The following LRRC4C variants were observed in gnomAD, a reference collection of about 807,000 sequenced individuals.
The protein encoded by LRRC4C is leucine rich repeat containing 4C.
LRRC4C carries 5 observed loss-of-function variants against 33.6 expected under a neutral mutation model. The observed-to-expected ratio is 0.15, with a 90% CI of 0.08 to 0.31. The LOEUF (loss-of-function observed/expected upper bound fraction) is 0.31, where lower values mean the gene tolerates loss of function less well. Among genes scored for constraint, LRRC4C ranks in the 10% least tolerant of loss-of-function variants. The probability of loss-of-function intolerance (pLI) is 1.00; values close to 1 mark genes in which losing one functional copy is unlikely to be tolerated. For synonymous variants in LRRC4C, 329 were observed against 302.0 expected (o/e 1.09, Z -0.93); for missense variants, 560 against 796.7 (o/e 0.70, Z 3.58).
At chr11:41,164,294 C>A (rs1471462992) in intron 1 of LRRC4C, among the ~76,000 whole-genome samples, 1 of 151,446 alleles carries the variant, frequency 6.6e-6, no homozygotes, top group East Asian at 1.9e-4. Flanking sequence ...TCACAGTCTT[C>A]CACTTCCACA....
chr11:40,699,674 C>T (rs1199187341), intron 2 of LRRC4C, among the ~76,000 whole-genome samples: 2 of 152,094 alleles, frequency 1.3e-5, no homozygotes, highest in Admixed American at 1.3e-4. Context: ...GTGCTGGTGA[C>T]ACAACAAAGA....
chr11:41,153,169 T>A (rs533194768), intron 1 of LRRC4C, among the ~76,000 whole-genome samples: 7 of 152,080 alleles, frequency 4.6e-5, no homozygotes, highest in Non-Finnish European at 1.0e-4. Context: ...AAGTCTCTAC[T>A]CCCTTAAAGA....
intron 3 of LRRC4C, among the ~76,000 whole-genome samples, chr11:40,625,050 A>G (rs551805965): frequency 2.6e-5 from 4 of 152,280 alleles, no homozygotes; most frequent in Non-Finnish European, 1.5e-5. Flanking sequence ...TAATATTCAG[A>G]ATAATACTGT....
At chr11:41,339,542 T>C (rs1301153674) in intron 1 of LRRC4C, among the ~76,000 whole-genome samples, 3 of 152,132 alleles carry the variant, frequency 2.0e-5, no homozygotes, top group African/African-American at 7.2e-5. Flanking sequence ...AACATCCCTC[T>C]CCTGTCTAAT....
intron 2 of LRRC4C, among the ~76,000 whole-genome samples, chr11:40,658,540 G>A (rs1943250798): frequency 6.6e-6 from 1 of 152,132 alleles, no homozygotes; most frequent in African/African-American, 2.4e-5. Flanking sequence ...GGAGTTTTGG[G>A]CTAGAGTTTT....
chr11:40,837,511 G>T (rs1478189646), intron 2 of LRRC4C, among the ~76,000 whole-genome samples: 1 of 151,758 alleles, frequency 6.6e-6, no homozygotes, highest in Non-Finnish European at 1.5e-5. Context: ...CCGGCATATT[G>T]TGAAGATTAT....
intron 3 of LRRC4C, among the ~76,000 whole-genome samples, chr11:40,321,047 C>A (rs1945820523): frequency 6.6e-6 from 1 of 152,148 alleles, no homozygotes; most frequent in Non-Finnish European, 1.5e-5. Context: ...ATTAATAACT[C>A]TTTGGAGTCT....
intron 1 of LRRC4C, among the ~76,000 whole-genome samples, chr11:41,351,782 G>A (rs1217655046): frequency 2.0e-5 from 3 of 152,066 alleles, no homozygotes; most frequent in Non-Finnish European, 2.9e-5. Flanking sequence ...TCCAAACTAA[G>A]CTTGATAAGC....
At chr11:41,372,736 A>G (rs1189314797) in intron 1 of LRRC4C, among the ~76,000 whole-genome samples, 1 of 151,742 alleles carries the variant, frequency 6.6e-6, no homozygotes, top group Admixed American at 6.6e-5. Flanking sequence ...GAGAGGTAAT[A>G]AAAAAGAATG....
intron 1 of LRRC4C, among the ~76,000 whole-genome samples, chr11:41,021,197 GAGAGAGA>G (rs1855948173): frequency 2.0e-5 from 3 of 148,580 alleles, no homozygotes; most frequent in African/African-American, 7.6e-5. Flanking sequence ...GAGAGAGAGA[GAGAGAGA>G]GAGAGAGAGA....
intron 3 of LRRC4C, among the ~76,000 whole-genome samples, chr11:40,571,045 G>T (rs1051495499): frequency 2.0e-5 from 3 of 152,082 alleles, no homozygotes; most frequent in Non-Finnish European, 4.4e-5. Flanking sequence ...GGCACTGTAT[G>T]TAAATAGTGT....
intron 1 of LRRC4C, among the ~76,000 whole-genome samples, chr11:41,025,209 A>G (rs1052302451): frequency 3.3e-5 from 5 of 151,722 alleles, no homozygotes; most frequent in Non-Finnish European, 5.9e-5. Context: ...CTCACTTTAA[A>G]TTAAAAACTA....
chr11:40,319,634 A>G lies in LRRC4C; in HGVS notation c.-182T>C, dbSNP rs1317630886. 4 of 152,320 alleles carry G rather than the reference A, an allele frequency of 2.6e-5. No homozygotes were observed. The East Asian group carries it at 7.7e-4, about 29-fold the overall frequency. 9.4% of individuals were successfully genotyped at this position (152,320 alleles called of 1,614,324 possible). ...AGTGGTATTTGGAACTTACCTTAGT[A>G]AAATTTCTCCAACAGGTATTGATCT... is the stretch of plus-strand genomic sequence containing the variant. On this transcript the variant is annotated 5_prime_UTR_variant, in exon 4 of 7. Transcript: ENST00000528697.
At chr11:40,599,797 A>G (rs1455451016) in intron 3 of LRRC4C, among the ~76,000 whole-genome samples, 1 of 152,230 alleles carries the variant, frequency 6.6e-6, no homozygotes, top group Non-Finnish European at 1.5e-5. Flanking sequence ...TTATCAAGTT[A>G]GAATGGTAGA....
At chr11:40,773,675 T>C (rs1949859027) in intron 2 of LRRC4C, among the ~76,000 whole-genome samples, 1 of 152,012 alleles carries the variant, frequency 6.6e-6, no homozygotes, top group Non-Finnish European at 1.5e-5. Flanking sequence ...TAGGGAACAT[T>C]ATTGTTACCA....
rs60735627 is a variant in LRRC4C, at chr11:40,313,599, CTTTTTTTTTT to C, written c.-176+6019_-176+6028del. 5.4e-4 allele frequency among the ~76,000 whole-genome samples: 39 copies of C among 72,534 alleles called. 2 individuals carry two copies. Among genetic ancestry groups the C allele is most frequent in the Admixed American group, 1.9e-3 (13 of 6,804 alleles). 47.6% of individuals were successfully genotyped at this position (72,534 alleles called of 152,430 possible). The stretch of plus-strand genomic sequence containing the variant: ...AGAAAACATGCTAGGAGGGGAAATT[CTTTTTTTTTT>C]TTTTTTTTTTTTTTTTGAGATGGAG... On this transcript the variant is annotated intron_variant, in intron 4 of 6. Coordinates refer to ENST00000528697, the MANE Select transcript of LRRC4C (RefSeq NM_001258419.2).
At chr11:41,216,280 C>T (rs766155827) in intron 1 of LRRC4C, among the ~76,000 whole-genome samples, 16 of 151,482 alleles carry the variant, frequency 1.1e-4, no homozygotes, top group African/African-American at 3.1e-4. Flanking sequence ...CACAATAGAG[C>T]GGTGAGTGGA....
chr11:40,758,033 T>A (rs1202385823), intron 2 of LRRC4C, among the ~76,000 whole-genome samples: 1 of 152,098 alleles, frequency 6.6e-6, no homozygotes, highest in Non-Finnish European at 1.5e-5. Flanking sequence ...GGAAGTTGCT[T>A]CAATGCAGTG....
At chr11:40,417,598 T>A (rs1292538109) in intron 3 of LRRC4C, among the ~76,000 whole-genome samples, 1 of 152,018 alleles carries the variant, frequency 6.6e-6, no homozygotes, top group Non-Finnish European at 1.5e-5. Flanking sequence ...GTGATCTACC[T>A]ACCTCGGCCT....
Sources: allele counts gnomAD v4.1 joint callset (sites outside exome capture counted in the v4.1 genomes callset), GRCh38; gene constraint gnomAD v4.1.1; transcripts MANE v1.5; gene names NCBI Gene and HGNC (gene_info 2026-07-23, HGNC 2026-07-21).